PIP5K1B: variants seen among roughly 807,000 people sequenced by gnomAD.
The protein encoded by PIP5K1B is phosphatidylinositol-4-phosphate 5-kinase type 1 beta.
Under a neutral mutation model 67.0 loss-of-function variants are expected in PIP5K1B, and 42 were observed. The observed-to-expected ratio is 0.63, with a 90% CI of 0.49 to 0.81. The LOEUF (loss-of-function observed/expected upper bound fraction) is 0.81. PIP5K1B is among the 30% of genes least tolerant of loss of function. The pLI is 0.00. For missense variants in PIP5K1B, 459 were observed against 646.3 expected (o/e 0.71, Z 3.14); for synonymous variants, 214 against 231.4 (o/e 0.92, Z 0.68).
chr9:68,852,193 A>G (rs959521751), intron 4 of PIP5K1B, among the ~76,000 whole-genome samples: 2 of 152,168 alleles, frequency 1.3e-5, no homozygotes, highest in African/African-American at 4.8e-5. Context: ...ACAAACCTGC[A>G]TGTTCTGTAC....
rs140877321 is a variant in PIP5K1B at position 68,928,441 on chromosome 9, G to T, written c.1201+5055G>T. On this transcript the variant is annotated intron_variant, in intron 12 of 15. Coordinates refer to ENST00000265382, the MANE Select transcript of PIP5K1B (RefSeq NM_003558.4). ...GGGATTCTTTTTAGTTAAGCCTTATGCTTACAAAGGACTTCACCATTGAAT... is the reference window on the plus strand; with the variant it reads ...GGGATTCTTTTTAGTTAAGCCTTATTCTTACAAAGGACTTCACCATTGAAT... Among the ~76,000 whole-genome samples the T allele has an allele frequency of 3.2e-3, 490 of 152,226 alleles. 2 individuals are homozygous for T. Among genetic ancestry groups the T allele is most frequent in the African/African-American group, 0.011 (464 of 41,534 alleles).
intron 1 of PIP5K1B, among the ~76,000 whole-genome samples, chr9:68,724,943 C>T (rs574512982): frequency 5.3e-5 from 8 of 152,072 alleles, no homozygotes; most frequent in Non-Finnish European, 1.2e-4. Context: ...AGTTGATGTA[C>T]CTCAAACTAA....
chr9:68,893,208 A>G (rs149023609), intron 7 of PIP5K1B, among the ~76,000 whole-genome samples: 1 of 152,300 alleles, frequency 6.6e-6, no homozygotes, highest in Non-Finnish European at 1.5e-5. Flanking sequence ...AATGTTGAGA[A>G]TTGGGGGAAG....
chr9:68,708,323 C>A (rs1440867814), intron 1 of PIP5K1B, among the ~76,000 whole-genome samples: 3 of 151,984 alleles, frequency 2.0e-5, no homozygotes, highest in Non-Finnish European at 4.4e-5. Flanking sequence ...TGAATGAAGT[C>A]ATTCATAAGG....
intron 8 of PIP5K1B, 42 bp from the exon 9 acceptor site, chr9:68,917,506 G>T (rs749502429): frequency 5.0e-6 from 7 of 1,406,436 alleles, no homozygotes; most frequent in South Asian, 2.3e-5. Context: ...AGACGAACAG[G>T]CCTTTGGGTT....
intron 2 of PIP5K1B, among the ~76,000 whole-genome samples, chr9:68,816,516 C>T (rs539790907): frequency 6.6e-6 from 1 of 152,280 alleles, no homozygotes; most frequent in Admixed American, 6.5e-5. Context: ...ATGGGGAAGT[C>T]GTGCCAGCAG....
intron 15 of PIP5K1B, among the ~76,000 whole-genome samples, chr9:68,995,235 A>AAGAGAGTAAGAG (rs1830553078): frequency 6.6e-6 from 1 of 150,678 alleles, no homozygotes; most frequent in Non-Finnish European, 1.5e-5. Context: ...GGGAGAAAGA[A>AAGAGAGTAAGAG]AGAGAGAAAG....
At chr9:68,780,069 T>G in intron 2 of PIP5K1B, 1 of 1,423,314 alleles carries the variant, frequency 7.0e-7, no homozygotes, top group Non-Finnish European at 9.2e-7. Flanking sequence ...GCTGACAGAT[T>G]CTCGGTGGCG....
intron 14 of PIP5K1B, among the ~76,000 whole-genome samples, chr9:68,945,671 G>A (rs999040407): frequency 2.0e-5 from 3 of 152,154 alleles, no homozygotes; most frequent in African/African-American, 7.2e-5. Context: ...CAGCAATTCT[G>A]TAAAGTTATT....
intron 2 of PIP5K1B, among the ~76,000 whole-genome samples, chr9:68,745,903 T>C (rs1190453653): frequency 6.6e-6 from 1 of 152,190 alleles, no homozygotes; most frequent in African/African-American, 2.4e-5. Flanking sequence ...TTTAGTGTCT[T>C]ACTCTCACAT....
chr9:68,810,453 A>G (rs1833101826), intron 2 of PIP5K1B, among the ~76,000 whole-genome samples: 1 of 152,228 alleles, frequency 6.6e-6, no homozygotes, highest in African/African-American at 2.4e-5. Context: ...TCACTTTATC[A>G]GTGTTTAATA....
At chr9:68,777,779 TGTA>T (rs1165376100) in intron 2 of PIP5K1B, among the ~76,000 whole-genome samples, 1 of 152,236 alleles carries the variant, frequency 6.6e-6, no homozygotes, top group Non-Finnish European at 1.5e-5. Context: ...TTGATAATAA[TGTA>T]GTAATATGAA....
At chr9:68,826,515 AGTT>A (rs1361813550) in intron 4 of PIP5K1B, among the ~76,000 whole-genome samples, 1 of 152,252 alleles carries the variant, frequency 6.6e-6, no homozygotes, top group Non-Finnish European at 1.5e-5. Context: ...TGGGCAAAAC[AGTT>A]TGCCTGCAGG....
At chr9:68,821,965 C>G (rs951820572) in intron 3 of PIP5K1B, among the ~76,000 whole-genome samples, 1 of 152,042 alleles carries the variant, frequency 6.6e-6, no homozygotes, top group Admixed American at 6.5e-5. Context: ...GTGAAAAATA[C>G]TGGGTAAGAT....
intron 8 of PIP5K1B, among the ~76,000 whole-genome samples, chr9:68,911,760 G>A (rs1285197920): frequency 6.6e-6 from 1 of 152,160 alleles, no homozygotes; most frequent in African/African-American, 2.4e-5. Flanking sequence ...GCATGTGCCT[G>A]TAGTTCCAGC....
intron 2 of PIP5K1B, among the ~76,000 whole-genome samples, chr9:68,749,123 AG>A (rs1174266033): frequency 6.6e-6 from 1 of 152,228 alleles, no homozygotes; most frequent in African/African-American, 2.4e-5. Flanking sequence ...CCTAATTCTT[AG>A]AACTTGTAAA....
At chr9:68,970,399 A>G (rs1829296604) in intron 14 of PIP5K1B, among the ~76,000 whole-genome samples, 1 of 152,222 alleles carries the variant, frequency 6.6e-6, no homozygotes, top group African/African-American at 2.4e-5. Flanking sequence ...TTTGATGATT[A>G]CCACTAGGGT....
chr9:68,892,807 A>C (rs1026935155), intron 7 of PIP5K1B, among the ~76,000 whole-genome samples: 1 of 152,236 alleles, frequency 6.6e-6, no homozygotes, highest in African/African-American at 2.4e-5. Flanking sequence ...GCAGTGGCTC[A>C]TGCCTGTAAT....
chr9:68,788,932 G>T, intron 2 of PIP5K1B: 1 of 306,454 alleles, frequency 3.3e-6, no homozygotes, highest in Admixed American at 3.9e-5. Flanking sequence ...GAAAGGATAT[G>T]CTCAGATTTC....
Sources: gnomAD v4.1 joint callset for allele counts (sites outside exome capture counted in the v4.1 genomes callset) on GRCh38, gnomAD v4.1.1 for gene constraint, MANE v1.5 for transcripts, NCBI Gene and HGNC (gene_info 2026-07-23, HGNC 2026-07-21) for gene names.